IDO2: variants seen among roughly 807,000 people sequenced by gnomAD.
IDO2 encodes the protein indoleamine 2,3-dioxygenase 2.
In IDO2, 46 loss-of-function variants were observed where a neutral mutation model predicts 45.1. The observed-to-expected ratio is 1.02, with a 90% CI of 0.80 to 1.30. IDO2 has a LOEUF of 1.30. IDO2 is among the 50% of genes most tolerant of loss of function. The pLI, the probability that IDO2 is intolerant of heterozygous loss-of-function variation, is 0.00. For synonymous variants in IDO2, 218 were observed against 184.9 expected (o/e 1.18, Z -1.45); for missense variants, 544 against 491.8 (o/e 1.11, Z -1.00).
intron 8 of IDO2, chr8:39,998,536 T>C (rs1802084693): frequency 2.6e-5 from 4 of 152,072 alleles, no homozygotes; most frequent in African/African-American, 9.7e-5. Flanking sequence ...ATCAGCTGTT[T>C]GGTTGGACAG....
chr8:39,966,999 A>G (rs963487266), intron 3 of IDO2, among the ~76,000 whole-genome samples: 1 of 152,186 alleles, frequency 6.6e-6, no homozygotes, highest in Admixed American at 6.5e-5. Flanking sequence ...TGATATATAA[A>G]AAGAACTATT....
intron 9 of IDO2, among the ~76,000 whole-genome samples, chr8:40,011,396 G>C (rs928203183): frequency 2.0e-5 from 3 of 152,128 alleles, no homozygotes; most frequent in South Asian, 2.1e-4. Flanking sequence ...AGAAAGACCC[G>C]AACATGTGTG....
At position 40,015,352 on chromosome 8, in the gene IDO2, G is replaced by A. The variant is rs545208551; in HGVS notation, c.974G>A (p.Gly325Glu). 488 of 1,613,824 alleles carry A rather than the reference G, an allele frequency of 3.0e-4. 13 individuals are homozygous for A. The South Asian group carries it at 5.1e-3, about 17-fold the overall frequency. The change falls in exon 11 of 11, where the codon GGA (glycine) becomes GAA (glutamate). Residue 325 changes from glycine to glutamate, a missense_variant. By Grantham distance (98) the Gly-to-Glu change is moderately conservative. Coordinates refer to ENST00000502986, the Ensembl canonical transcript of IDO2. The stretch of plus-strand genomic sequence containing the variant: ...CTGAGGGACTACATCCTGTCATCTG[G>A]ACAGGACCACTTGCTGACAGCTTAT...
rs1258893384 is a variant in IDO2, at chr8:39,948,846, C to T, written c.-17-303C>T. On this transcript the variant is annotated intron_variant, in intron 1 of 10. Transcript: ENST00000502986. The stretch of plus-strand genomic sequence containing the variant: ...ACAACCACAGGTCTATTTCATTTCT[C>T]CTTTTCCAAAGTGGAACAAATTTGT... Among the ~76,000 whole-genome samples the T allele has an allele frequency of 2.0e-5, 3 of 152,130 alleles. No homozygotes were observed. In the East Asian group the frequency reaches 5.8e-4, roughly 29 times the overall value.
intron 3 of IDO2, 25 bp from the exon 4 acceptor site, chr8:39,979,031 TCCCTCCTCTGA>T: frequency 6.4e-7 from 1 of 1,554,324 alleles, no homozygotes; most frequent in Non-Finnish European, 8.7e-7. Context: ...CCGGTTCCCA[TCCCTCCTCTGA>T]CGGCATTTGG....
intron 3 of IDO2, among the ~76,000 whole-genome samples, chr8:39,973,810 C>T (rs1232107820): frequency 5.3e-5 from 8 of 150,708 alleles, no homozygotes; most frequent in African/African-American, 1.5e-4. Context: ...GGCACAATCT[C>T]GGCTCACTGC....
intron 9 of IDO2, 144 bp from the exon 10 acceptor site, chr8:40,013,421 C>A: frequency 1.4e-6 from 1 of 738,144 alleles, no homozygotes; most frequent in Non-Finnish European, 2.2e-6. Flanking sequence ...CAGTACTTAC[C>A]CTACAAAGAT....
At chr8:39,979,239 G>A (rs969197100) in intron 4 of IDO2, 53 bp downstream of exon 4, 5 of 1,550,100 alleles carry the variant, frequency 3.2e-6, no homozygotes, top group Admixed American at 2.0e-5. Flanking sequence ...CCTGCGCCTG[G>A]AGTAACGTGC....
intron 4 of IDO2, among the ~76,000 whole-genome samples, chr8:39,980,876 A>G (rs1020394885): frequency 4.0e-5 from 6 of 151,536 alleles, no homozygotes; most frequent in African/African-American, 1.5e-4. Flanking sequence ...CAGTCTCCTG[A>G]GTAGCTGGGA....
At chr8:39,997,774 A>C in intron 8 of IDO2, 1 of 153,182 alleles carries the variant, frequency 6.5e-6, no homozygotes, top group Non-Finnish European at 1.5e-5. Flanking sequence ...AAAGGGACAC[A>C]TTTTCACCAG....
At chr8:39,989,813 C>T (rs549846180) in exon 8 of IDO2, 2 of 1,599,812 alleles carry the variant, frequency 1.3e-6, no homozygotes, top group South Asian at 1.1e-5. Context: ...TTCAGGACAT[C>T]ACCAAAACCT....
At chr8:39,943,919 G>A (rs6983940) in intron 1 of IDO2, among the ~76,000 whole-genome samples, 63,358 of 151,826 alleles carry the variant, frequency 0.42, 13,402 homozygotes, top group East Asian at 0.59. Flanking sequence ...AATTGAGAAT[G>A]GCTCGAGAGG....
At chr8:39,940,250 C>T (rs528040282) in intron 1 of IDO2, among the ~76,000 whole-genome samples, 1 of 152,122 alleles carries the variant, frequency 6.6e-6, no homozygotes, top group African/African-American at 2.4e-5. Context: ...CTACCGGACA[C>T]GCAGATCCCG....
intron 8 of IDO2, among the ~76,000 whole-genome samples, chr8:40,001,283 G>A (rs1415440191): frequency 2.5e-5 from 3 of 119,294 alleles, no homozygotes; most frequent in Admixed American, 2.4e-4. Context: ...GCAGAGTCTC[G>A]CTCTGTTGCA....
chr8:39,985,711 TTCC>T (rs760468566), intron 6 of IDO2, 189 bp downstream of exon 6: 5 of 579,568 alleles, frequency 8.6e-6, no homozygotes, highest in Non-Finnish European at 1.5e-5. Context: ...TGATTGCCTC[TTCC>T]TTGTATAGAT....
chr8:39,949,040 G>C, intron 1 of IDO2, 109 bp from the exon 2 acceptor site: 1 of 1,429,220 alleles, frequency 7.0e-7, no homozygotes, highest in Non-Finnish European at 9.3e-7. Context: ...TCAGGGAAAA[G>C]TTCTCTCCTG....
exon 2 of IDO2, chr8:39,949,169 G>A (rs772917707): frequency 1.9e-6 from 3 of 1,606,492 alleles, no homozygotes; most frequent in Non-Finnish European, 2.6e-6. Flanking sequence ...CAAAATAATG[G>A]AGCCCCACAG....
Position 39,984,508 on chromosome 8 carries a change from A to C in IDO2, c.435-1000A>C, listed in dbSNP as rs563794464. Among the ~76,000 whole-genome samples, 20 of 152,304 alleles carry C rather than the reference A, an allele frequency of 1.3e-4. No homozygotes were observed. In the South Asian group the frequency reaches 3.7e-3, roughly 28 times the overall value. ...ACAAAACAAAACAAAACAATAACAAAAAAGCTATTAATAGCTTCCTAGGGA... is the reference window on the plus strand; with the variant it reads ...ACAAAACAAAACAAAACAATAACAACAAAGCTATTAATAGCTTCCTAGGGA... On this transcript the variant is annotated intron_variant, in intron 5 of 10. Coordinates refer to ENST00000502986, the Ensembl canonical transcript of IDO2.
At chr8:39,977,857 G>C (rs1200695613) in intron 3 of IDO2, among the ~76,000 whole-genome samples, 1 of 152,144 alleles carries the variant, frequency 6.6e-6, no homozygotes, top group East Asian at 1.9e-4. Flanking sequence ...GGGTACATGA[G>C]ATGTTTTGAT....
Sources: gnomAD v4.1 joint callset for allele counts (sites outside exome capture counted in the v4.1 genomes callset) on GRCh38, gnomAD v4.1.1 for gene constraint, MANE v1.5 for transcripts, NCBI Gene and HGNC (gene_info 2026-07-23, HGNC 2026-07-21) for gene names.